Variants in ANKRD16 observed in about 807,000 individuals in gnomAD.
The protein encoded by ANKRD16 is ankyrin repeat domain-containing protein 16.
Under a neutral mutation model 37.9 loss-of-function variants are expected in ANKRD16, and 35 were observed. The observed-to-expected ratio is 0.92, with a 90% CI of 0.71 to 1.23. ANKRD16 has a LOEUF of 1.23. Ranked by LOEUF, ANKRD16 falls within the 50% of genes most tolerant of loss-of-function variation. The pLI is 0.00. For synonymous variants in ANKRD16, 206 were observed against 197.2 expected (o/e 1.04, Z -0.37); for missense variants, 480 against 469.9 (o/e 1.02, Z -0.20).
intron 7 of ANKRD16, among the ~76,000 whole-genome samples, chr10:5,867,519 T>G (rs1842033595): frequency 6.6e-6 from 1 of 152,256 alleles, no homozygotes. Flanking sequence ...GAACGAGGTT[T>G]TATTAATAGC....
At chr10:5,883,706 G>A (rs1191408212) in intron 4 of ANKRD16, among the ~76,000 whole-genome samples, 2 of 152,216 alleles carry the variant, frequency 1.3e-5, no homozygotes, top group Non-Finnish European at 2.9e-5. Flanking sequence ...CTATAAAACA[G>A]CTACCATTTA....
chr10:5,884,163 A>T, intron 3 of ANKRD16, 86 bp from the exon 4 acceptor site: 2 of 987,822 alleles, frequency 2.0e-6, no homozygotes, highest in Non-Finnish European at 3.1e-6. Flanking sequence ...CTGCAGGTGA[A>T]CTGCGTGTGT....
chr10:5,889,062 T>G lies in ANKRD16; in HGVS notation c.293A>C (p.Asp98Ala). Residue 98 changes from aspartate (D) to alanine (A), a missense_variant, in exon 1 of 8, where the codon GAC becomes GCC. Coordinates refer to ENST00000380094, the MANE Select transcript of ANKRD16 (RefSeq NM_019046.3). Reference sequence around the variant, plus strand: ...CTACCAGTCGGCCTTCTTCAGGCAGTCGACCGCTGCCCCCCGGCCCAGCAG... The same window carrying G: ...CTACCAGTCGGCCTTCTTCAGGCAGGCGACCGCTGCCCCCCGGCCCAGCAG... Reference protein sequence around the residue: ...RYLLGRGAAVDCLKKADWTPL... With the variant: ...RYLLGRGAAVACLKKADWTPL... 6.4e-7 allele frequency: 1 copy of G among 1,553,900 alleles called. No homozygotes were observed. The highest frequency in any genetic ancestry group is 8.6e-7 in the Non-Finnish European group (1 of 1,156,718).
At chr10:5,881,458 A>ATATATG (rs1842312818) in intron 5 of ANKRD16, among the ~76,000 whole-genome samples, 5 of 127,834 alleles carry the variant, frequency 3.9e-5, no homozygotes, top group Non-Finnish European at 8.1e-5. Context: ...ATATATATAT[A>ATATATG]TATATATATA....
chr10:5,889,007 G>A (rs779863771), intron 1 of ANKRD16, 34 bp downstream of exon 1: 53 of 1,486,022 alleles, frequency 3.6e-5, no homozygotes, highest in Non-Finnish European at 4.5e-5. Flanking sequence ...TGCGAGTAGA[G>A]GGGAGGCGGG....
chr10:5,889,121 C>G lies in ANKRD16; in HGVS notation c.234G>C (p.Ala78=), dbSNP rs1164438988. Residue 78 remains alanine, a synonymous_variant, in exon 1 of 8, where the codon GCG becomes GCC. Transcript: ENST00000380094. ...CGCAGTCTCGGTGGCCCATGGAGGCCGCCTCGTGCAGAGGCCGCTTGTAGT... is the reference window on the plus strand; with the variant it reads ...CGCAGTCTCGGTGGCCCATGGAGGCGGCCTCGTGCAGAGGCCGCTTGTAGT... ...NRDYKRPLHE[A]ASMGHRDCVR... 1.3e-6 allele frequency: 2 copies of G among 1,595,852 alleles called. No individual in the cohort carries two copies. The highest frequency in any genetic ancestry group is 1.3e-5 in the African/African-American group (1 of 74,586).
Position 5,869,980 on chromosome 10 carries a change from A to T in ANKRD16, c.*34-7289T>A, listed in dbSNP as rs866160280. Among the ~76,000 whole-genome samples the T allele has an allele frequency of 9.2e-5, 14 of 151,962 alleles. No individual in the cohort carries two copies. The highest frequency in any genetic ancestry group is 3.1e-4 in the African/African-American group (13 of 41,340). ...ACCCCTGGACTCTCTCCCTCTGAGAATCTGCATTTTTCTTTTTTTCAGGAT... is the reference window on the plus strand; with the variant it reads ...ACCCCTGGACTCTCTCCCTCTGAGATTCTGCATTTTTCTTTTTTTCAGGAT... On this transcript the variant is annotated intron_variant, in intron 7 of 7. Transcript: ENST00000380094. The surrounding 1 kb of genome is among the most constrained non-coding windows in gnomAD (Gnocchi z 4.0).
intron 2 of ANKRD16, among the ~76,000 whole-genome samples, chr10:5,886,202 T>TG (rs1247877318): frequency 2.0e-5 from 3 of 152,246 alleles, no homozygotes; most frequent in African/African-American, 7.2e-5. Flanking sequence ...GGGTGAATGA[T>TG]GGAGTGCTGA....
Position 5,862,768 on chromosome 10 carries a change from G to A in ANKRD16, c.*34-77C>T, listed in dbSNP as rs954633396. 5.7e-6 allele frequency: 6 copies of A among 1,048,536 alleles called. No individual in the cohort carries two copies. The highest frequency in any genetic ancestry group is 2.6e-5 in the South Asian group (2 of 76,342). 65.0% of individuals were successfully genotyped at this position (1,048,536 alleles called of 1,614,324 possible). Reference sequence around the variant, plus strand: ...AGAGAGGGCAAGCAGCTAGCACAAGGTCCCACAGCTGGACTCAGGGCTGCT... The same window carrying A: ...AGAGAGGGCAAGCAGCTAGCACAAGATCCCACAGCTGGACTCAGGGCTGCT... On this transcript the variant is annotated intron_variant, in intron 7 of 7. Transcript: ENST00000380094. The surrounding 1 kb of genome is among the most constrained non-coding windows in gnomAD (Gnocchi z 6.5).
rs1272589211 is a variant in ANKRD16 at position 5,874,586 on chromosome 10, G to A, written c.*33+3511C>T. On this transcript the variant is annotated intron_variant, in intron 7 of 7. Coordinates refer to ENST00000380094, the MANE Select transcript of ANKRD16 (RefSeq NM_019046.3). The surrounding 1 kb of genome is among the most constrained non-coding windows in gnomAD (Gnocchi z 4.7). The stretch of plus-strand genomic sequence containing the variant: ...AGGGAGGAGTCATGACTGACCCCCA[G>A]CTTTCCAACACAGGTTGGGTGAGCT... Among the ~76,000 whole-genome samples, 1 of 152,176 alleles carries A rather than the reference G, an allele frequency of 6.6e-6. No individual in the cohort carries two copies. The highest frequency in any genetic ancestry group is 1.5e-5 in the Non-Finnish European group (1 of 68,032).
At chr10:5,872,891 C>T (rs531078426) in intron 7 of ANKRD16, among the ~76,000 whole-genome samples, 2 of 151,612 alleles carry the variant, frequency 1.3e-5, no homozygotes, top group African/African-American at 4.8e-5. Context: ...GAGGGAGTCT[C>T]ACTCTGTCAC....
Position 5,865,076 on chromosome 10 carries a change from G to C in ANKRD16, c.*34-2385C>G, listed in dbSNP as rs1158546775. ...TCTATGATAAGGACCAAGAGGAACA[G>C]GCTGAAAAGGAAACGTTAGATCAGA... is the stretch of plus-strand genomic sequence containing the variant. On this transcript the variant is annotated intron_variant, in intron 7 of 7. Coordinates refer to ENST00000380094, the MANE Select transcript of ANKRD16 (RefSeq NM_019046.3). This position sits in a 1 kb window ranked among gnomAD's most constrained non-coding sequence, Gnocchi z 4.7. 6.6e-6 allele frequency among the ~76,000 whole-genome samples: 1 copy of C among 152,186 alleles called. No individual in the cohort carries two copies. The highest frequency in any genetic ancestry group is 1.5e-5 in the Non-Finnish European group (1 of 68,042).
At chr10:5,876,148 T>C (rs1475632651) in intron 7 of ANKRD16, among the ~76,000 whole-genome samples, 1 of 152,140 alleles carries the variant, frequency 6.6e-6, no homozygotes, top group East Asian at 1.9e-4. Context: ...CCTCCCAAAG[T>C]GTTGGGATTA....
chr10:5,887,817 A>G lies in ANKRD16; in HGVS notation c.535+30T>C, dbSNP rs779849725. 27 of 1,587,968 alleles carry G rather than the reference A, an allele frequency of 1.7e-5. No homozygotes were observed. In the East Asian group the frequency reaches 5.2e-4, roughly 31 times the overall value. On this transcript the variant is annotated intron_variant, in intron 2 of 7. Transcript: ENST00000380094. Reference sequence around the variant, plus strand: ...CTGGGTGAAGCAGCCACATGTGTGTACTGCTCACCTGCAGAGCTGTAGGCT... The same window carrying G: ...CTGGGTGAAGCAGCCACATGTGTGTGCTGCTCACCTGCAGAGCTGTAGGCT...
At position 5,889,120 on chromosome 10, in the gene ANKRD16, C is replaced by G; in HGVS notation, c.235G>C (p.Ala79Pro). Residue 79 changes from alanine to proline, a missense_variant, in exon 1 of 8, where the codon GCC becomes CCC. Ala to Pro is a conservative substitution (Grantham distance 27, BLOSUM62 -1). Coordinates refer to ENST00000380094, the MANE Select transcript of ANKRD16 (RefSeq NM_019046.3). ...RDYKRPLHEAASMGHRDCVRY... is the reference protein window; with the variant it reads ...RDYKRPLHEAPSMGHRDCVRY... Reference sequence around the variant, plus strand: ...ACGCAGTCTCGGTGGCCCATGGAGGCCGCCTCGTGCAGAGGCCGCTTGTAG... The same window carrying G: ...ACGCAGTCTCGGTGGCCCATGGAGGGCGCCTCGTGCAGAGGCCGCTTGTAG... 6.3e-7 allele frequency: 1 copy of G among 1,595,974 alleles called. No homozygotes were observed. Among genetic ancestry groups the G allele is most frequent in the Non-Finnish European group, 8.5e-7 (1 of 1,177,956 alleles).
chr10:5,876,092 C>T (rs2131764674), intron 7 of ANKRD16, among the ~76,000 whole-genome samples: 1 of 152,176 alleles, frequency 6.6e-6, no homozygotes, highest in East Asian at 1.9e-4. Context: ...CCATGTTGGC[C>T]AGGCAGGTCT....
intron 6 of ANKRD16, among the ~76,000 whole-genome samples, chr10:5,879,172 G>A (rs1842239481): frequency 6.6e-6 from 1 of 152,060 alleles, no homozygotes; most frequent in South Asian, 2.1e-4. Flanking sequence ...AGTCTTTGAA[G>A]CATCAGAAAG....
rs1361286404 is a variant in ANKRD16, at chr10:5,869,087, T to A, written c.*34-6396A>T. 6.6e-6 allele frequency among the ~76,000 whole-genome samples: 1 copy of A among 152,068 alleles called. No homozygotes were observed. The highest frequency in any genetic ancestry group is 1.5e-5 in the Non-Finnish European group (1 of 68,000). On this transcript the variant is annotated intron_variant, in intron 7 of 7. Transcript: ENST00000380094. The surrounding 1 kb of genome is among the most constrained non-coding windows in gnomAD (Gnocchi z 4.0). ...TGAGATGTTTTGCGATTTTTTTTTT[T>A]AAAGCTCATCAGCTATCTTTAGTGA...
At chr10:5,879,468 CAA>C (rs770354448) in intron 6 of ANKRD16, among the ~76,000 whole-genome samples, 8 of 127,106 alleles carry the variant, frequency 6.3e-5, no homozygotes, top group Admixed American at 2.4e-4. Flanking sequence ...ACTTTGTCTC[CAA>C]AAAAAAAAAA....
Sources: allele counts gnomAD v4.1 joint callset (sites outside exome capture counted in the v4.1 genomes callset), GRCh38; gene constraint gnomAD v4.1.1; non-coding constraint Gnocchi (gnomAD v3.1); transcripts MANE v1.5; gene names NCBI Gene and HGNC (gene_info 2026-07-23, HGNC 2026-07-21).